SYCE1L: variants seen among roughly 807,000 people sequenced by gnomAD.
SYCE1L encodes the protein synaptonemal complex central element protein 1-like.
Under a neutral mutation model 39.6 loss-of-function variants are expected in SYCE1L, and 51 were observed. That is an observed-to-expected ratio of 1.29 (90% CI 1.03 to 1.63). The LOEUF (loss-of-function observed/expected upper bound fraction) is 1.63. SYCE1L is among the 40% of genes most tolerant of loss of function. The pLI, the probability that SYCE1L is intolerant of heterozygous loss-of-function variation, is 0.00. For missense variants in SYCE1L, 426 were observed against 304.9 expected (o/e 1.40, Z -2.96); for synonymous variants, 147 against 122.4 (o/e 1.20, Z -1.33).
At chr16:77,203,018 A>G (rs139255725) in intron 1 of SYCE1L, among the ~76,000 whole-genome samples, 1 of 144,648 alleles carries the variant, frequency 6.9e-6, no homozygotes, top group Non-Finnish European at 1.5e-5. Context: ...AATTAAAAAA[A>G]TCTCAGGCAG....
chr16:77,212,345 A>T lies in SYCE1L; in HGVS notation c.557A>T (p.Glu186Val). 1 of 1,527,184 alleles carries T rather than the reference A, an allele frequency of 6.5e-7. No homozygotes were observed. The highest frequency in any genetic ancestry group is 8.8e-7 in the Non-Finnish European group (1 of 1,138,590). The allele number at this position is 1,527,184 out of a possible 1,614,324, so 94.6% of individuals were successfully genotyped here. A position where few individuals can be genotyped will look rare whatever the true frequency, so the allele number is the denominator to read the frequency against. Residue 186 changes from glutamate (E) to valine (V), a missense_variant, in exon 9 of 11, where the codon GAG becomes GTG. Transcript: ENST00000378644. ...ERRLHSPPEV[E>V]GAMAVNDGLK... is the part of the protein sequence containing the mutation. The stretch of plus-strand genomic sequence containing the variant: ...CGGCTGCACTCGCCGCCTGAGGTCG[A>T]GGGCGCCATGGCGGTGAATGACGGG...
chr16:77,211,176 AG>A lies in SYCE1L; in HGVS notation c.360-36del, dbSNP rs2054819644. The A allele has an allele frequency of 3.9e-6, 6 of 1,551,150 alleles. No homozygotes were observed. The East Asian group carries it at 1.5e-4, about 38-fold the overall frequency. ...GAGCCCCCAACAGGGTGTCAGGCCT[AG>A]CATGTGTTCTCTTATTCCTGGGTGT... On this transcript the variant is annotated intron_variant, in intron 6 of 10. Transcript: ENST00000378644.
intron 1 of SYCE1L, among the ~76,000 whole-genome samples, chr16:77,203,274 G>C (rs986941736): frequency 1.3e-5 from 2 of 152,200 alleles, no homozygotes; most frequent in Admixed American, 1.3e-4. Flanking sequence ...TGGAGAAGGG[G>C]CTGCTGGTGA....
chr16:77,203,012 A>G (rs1480662193), intron 1 of SYCE1L, among the ~76,000 whole-genome samples: 1 of 140,950 alleles, frequency 7.1e-6, no homozygotes, highest in Non-Finnish European at 1.6e-5. Flanking sequence ...TTTTAAAATT[A>G]AAAAAATCTC....
At chr16:77,200,291 T>TATATATATATATATATATATAGATAC in intron 1 of SYCE1L, 1 of 111,430 alleles carries the variant, frequency 9.0e-6, no homozygotes, top group Non-Finnish European at 1.9e-5. Flanking sequence ...TATATATATA[T>TATATATATATATATATATATAGATAC]ACACACACTA....
chr16:77,200,693 T>A (rs1172112703), intron 1 of SYCE1L: 1 of 145,116 alleles, frequency 6.9e-6, no homozygotes, highest in Non-Finnish European at 1.5e-5. Context: ...GAGGCAGAGG[T>A]TATCGTGAGC....
At position 77,211,308 on chromosome 16, in the gene SYCE1L, C is replaced by G. The variant is rs776195639; in HGVS notation, c.423+32C>G. 12 of 1,551,466 alleles carry G rather than the reference C, an allele frequency of 7.7e-6. No individual in the cohort carries two copies. In the South Asian group the frequency reaches 1.4e-4, roughly 18 times the overall value. On this transcript the variant is annotated intron_variant, in intron 7 of 10. Transcript: ENST00000378644. ...CATTATCATTGCCTGCAACCAAAGC[C>G]ACTCCTCCCTGGCTTTAGTGTCGCA... is the stretch of plus-strand genomic sequence containing the variant.
chr16:77,208,920 G>A (rs371003485), intron 4 of SYCE1L, among the ~76,000 whole-genome samples, 177 bp from the exon 5 acceptor site: 4 of 152,188 alleles, frequency 2.6e-5, no homozygotes, highest in Non-Finnish European at 5.9e-5. Context: ...TGGGCATAGA[G>A]GGGGAGAAGC....
chr16:77,212,022 G>C, intron 7 of SYCE1L, 108 bp from the exon 8 acceptor site: 1 of 1,223,394 alleles, frequency 8.2e-7, no homozygotes, highest in Non-Finnish European at 1.1e-6. Flanking sequence ...TTGAATGAAT[G>C]AATGACCTAA....
chr16:77,202,051 T>A (rs538141899), intron 1 of SYCE1L: 11 of 152,328 alleles, frequency 7.2e-5, no homozygotes, highest in South Asian at 4.1e-4. Flanking sequence ...TGATTTATTG[T>A]TCTATTTTTT....
chr16:77,201,001 C>T (rs901469939), intron 1 of SYCE1L: 1 of 152,192 alleles, frequency 6.6e-6, no homozygotes, highest in Non-Finnish European at 1.5e-5. Context: ...ACACATTAGA[C>T]TGCATCCTGC....
chr16:77,204,312 G>A (rs1458531195), intron 1 of SYCE1L, among the ~76,000 whole-genome samples: 1 of 152,186 alleles, frequency 6.6e-6, no homozygotes, highest in Non-Finnish European at 1.5e-5. Context: ...CAAAATTCAT[G>A]TCCACCAGAA....
At chr16:77,212,705 CG>C in intron 10 of SYCE1L, 59 bp downstream of exon 10, 1 of 1,460,752 alleles carries the variant, frequency 6.8e-7, no homozygotes, top group South Asian at 1.3e-5. Flanking sequence ...AGAGAGCGGG[CG>C]GGGGTCCTGG....
intron 7 of SYCE1L, 50 bp downstream of exon 7, chr16:77,211,326 G>C (rs2054821014): frequency 6.5e-7 from 1 of 1,548,340 alleles, no homozygotes; most frequent in South Asian, 1.2e-5. Context: ...CCTGGCTTTA[G>C]TGTCGCACTG....
Position 77,213,160 on chromosome 16 carries a change from G to A in SYCE1L, c.*229G>A, listed in dbSNP as rs2054839385. 4 of 407,838 alleles carry A rather than the reference G, an allele frequency of 9.8e-6. No individual in the cohort carries two copies. 25.3% of individuals were successfully genotyped at this position (407,838 alleles called of 1,614,324 possible). A position where few individuals can be genotyped will look rare whatever the true frequency, so the allele number is the denominator to read the frequency against. On this transcript the variant is annotated 3_prime_UTR_variant, in exon 11 of 11. Transcript: ENST00000378644. ...GCTCCTGAACTCAGAGAGAGTAAGTGGGTGTCAGTATCCCCCGCCCCACGG... is the reference window on the plus strand; with the variant it reads ...GCTCCTGAACTCAGAGAGAGTAAGTAGGTGTCAGTATCCCCCGCCCCACGG...
At chr16:77,211,353 C>T in intron 7 of SYCE1L, 77 bp downstream of exon 7, 5 of 1,507,932 alleles carry the variant, frequency 3.3e-6, no homozygotes, top group Non-Finnish European at 4.5e-6. Context: ...CCAGAGTCCA[C>T]CCCTGCCCAG....
At chr16:77,209,016 T>A in intron 4 of SYCE1L, 81 bp from the exon 5 acceptor site, 3 of 1,452,120 alleles carry the variant, frequency 2.1e-6, no homozygotes, top group Non-Finnish European at 2.8e-6. Context: ...ACACCTTCTG[T>A]GTGGCTTTCC....
chr16:77,204,331 A>AT (rs1163098306), intron 1 of SYCE1L, among the ~76,000 whole-genome samples: 1 of 152,216 alleles, frequency 6.6e-6, no homozygotes, highest in Non-Finnish European at 1.5e-5. Flanking sequence ...AACTTCAGAA[A>AT]TGTGACTTAT....
At chr16:77,202,668 G>T (rs2054754736) in intron 1 of SYCE1L, among the ~76,000 whole-genome samples, 1 of 152,202 alleles carries the variant, frequency 6.6e-6, no homozygotes, top group Non-Finnish European at 1.5e-5. Flanking sequence ...AATCTTGTCA[G>T]TTGTGATTAT....
Sources: allele counts gnomAD v4.1 joint callset (sites outside exome capture counted in the v4.1 genomes callset), GRCh38; gene constraint gnomAD v4.1.1; transcripts MANE v1.5; gene names NCBI Gene and HGNC (gene_info 2026-07-23, HGNC 2026-07-21).